Variants in MUC22 observed in about 807,000 individuals in gnomAD.
The protein encoded by MUC22 is mucin-22.
In MUC22, 24 loss-of-function variants were observed where a neutral mutation model predicts 40.3. The observed-to-expected ratio is 0.60, with a 90% CI of 0.43 to 0.84. The LOEUF (loss-of-function observed/expected upper bound fraction) is 0.84, where lower values mean the gene tolerates loss of function less well. Among genes scored for constraint, MUC22 ranks in the 40% least tolerant of loss-of-function variants. The pLI is 0.00. For synonymous variants in MUC22, 765 were observed against 844.5 expected, an observed-to-expected ratio of 0.91 and a Z score of 1.63; for missense variants, 1,926 against 2,130.7, an observed-to-expected ratio of 0.90 and a Z score of 1.89.
At chr6:31,018,118 C>G (rs1562582000) in intron 1 of MUC22, among the ~76,000 whole-genome samples, 1 of 152,318 alleles carries the variant, frequency 6.6e-6, no homozygotes, top group Non-Finnish European at 1.5e-5. Context: ...GAAGTCAGAC[C>G]AAGAACCCAC....
chr6:31,029,556 C>T (rs910463139), exon 2 of MUC22: 73 of 1,528,714 alleles, frequency 4.8e-5, no homozygotes, highest in Non-Finnish European at 6.0e-5. Context: ...GCTCTGAGGC[C>T]ACTACAGTTT....
At chr6:31,014,313 CAT>C (rs71757905) in intron 1 of MUC22, among the ~76,000 whole-genome samples, 9,619 of 152,242 alleles carry the variant, frequency 0.063, 542 homozygotes, top group East Asian at 0.3. Flanking sequence ...TTTCCAAACA[CAT>C]GAGGCAATCT....
chr6:31,010,926 A>T (rs1763824408), intron 1 of MUC22, 150 bp downstream of exon 1: 1 of 597,274 alleles, frequency 1.7e-6, no homozygotes, highest in Non-Finnish European at 2.9e-6. Flanking sequence ...TTTCTGCAAA[A>T]GCCAGTACTG....
At chr6:31,020,960 G>C (rs7453270) in intron 1 of MUC22, among the ~76,000 whole-genome samples, 10,193 of 152,300 alleles carry the variant, frequency 0.067, 432 homozygotes, top group South Asian at 0.13. Context: ...TCTTCCCATG[G>C]GGCAGGGCTG....
chr6:31,031,232 G>C (rs1055355527), intron 2 of MUC22, among the ~76,000 whole-genome samples: 2 of 152,130 alleles, frequency 1.3e-5, no homozygotes, highest in African/African-American at 4.8e-5. Flanking sequence ...ACACCTGTCT[G>C]AGCCCACCCT....
At chr6:31,008,871 C>T (rs2150735603), upstream of MUC22, among the ~76,000 whole-genome samples, 1 of 151,978 alleles carries the variant, frequency 6.6e-6, no homozygotes, top group East Asian at 1.9e-4. Context: ...TTTAATTCTC[C>T]CCCCAAGCTT....
intron 1 of MUC22, among the ~76,000 whole-genome samples, 176 bp downstream of exon 1, chr6:31,010,952 A>C (rs1763827006): frequency 6.7e-6 from 1 of 148,690 alleles, no homozygotes; most frequent in Non-Finnish European, 1.5e-5. Context: ...AATTCCACTG[A>C]CCATGATTCT....
At chr6:31,020,538 G>A (rs747786734) in intron 1 of MUC22, among the ~76,000 whole-genome samples, 3 of 147,020 alleles carry the variant, frequency 2.0e-5, no homozygotes, top group Admixed American at 7.0e-5. Context: ...TCTGCCTCCC[G>A]GTGAGAGGTG....
intron 3 of MUC22, 50 bp from the exon 4 acceptor site, chr6:31,034,622 G>A: frequency 6.9e-7 from 1 of 1,451,308 alleles, no homozygotes. Flanking sequence ...GGTGATTAGG[G>A]AGAGGAGACT....
At chr6:31,029,535 C>T in exon 2 of MUC22, 1 of 1,529,172 alleles carries the variant, frequency 6.5e-7, no homozygotes. Flanking sequence ...CTACCACCGC[C>T]TCTACTGAAG....
chr6:31,015,497 A>G (rs1238845385), intron 1 of MUC22, among the ~76,000 whole-genome samples: 1 of 152,212 alleles, frequency 6.6e-6, no homozygotes, highest in African/African-American at 2.4e-5. Flanking sequence ...TAACTTAGCC[A>G]TGTGCCCAGG....
At chr6:31,033,854 A>C (rs1012376902) in intron 3 of MUC22, among the ~76,000 whole-genome samples, 15 of 152,238 alleles carry the variant, frequency 9.9e-5, no homozygotes, top group Admixed American at 6.5e-4. Context: ...AAGTCACAAA[A>C]GATTTGGATA....
upstream of MUC22, among the ~76,000 whole-genome samples, chr6:31,009,122 C>A (rs2394431): frequency 2.1e-3 from 316 of 152,292 alleles, 8 homozygotes; most frequent in Admixed American, 0.02. Flanking sequence ...AGTTTGTACC[C>A]TTGACTGTTG....
chr6:31,032,234 T>C lies in MUC22; in HGVS notation c.4708T>C (p.Ser1570Pro). The C allele has an allele frequency of 6.5e-7, 1 of 1,535,562 alleles. No homozygotes were observed. The highest frequency in any genetic ancestry group is 8.7e-7 in the Non-Finnish European group (1 of 1,146,836). Residue 1570 changes from serine to proline, a missense_variant, in exon 3 of 4, where the codon TCT becomes CCT. Ser to Pro is a moderately conservative substitution (Grantham distance 74, BLOSUM62 -1). Around this residue, in one of 3 missense-constraint regions of MUC22, gnomAD observed 610 missense variants for 714.6 expected, o/e 0.85. Coordinates refer to ENST00000561890, the Ensembl canonical transcript of MUC22. This position sits in a 1 kb window ranked among gnomAD's most constrained non-coding sequence, Gnocchi z 4.1. ...TGGAACCAGACTCACTGCCTCCAGC[T>C]CTGTCACCATGGCCCCTGGAATGGA... is the stretch of plus-strand genomic sequence containing the variant.
chr6:31,029,302 G>T (rs140778074), exon 2 of MUC22: 1 of 1,526,596 alleles, frequency 6.6e-7, no homozygotes, highest in African/African-American at 1.4e-5. Flanking sequence ...AGTCACTACT[G>T]CAGGTTCTGA....
exon 2 of MUC22, chr6:31,027,207 C>T (rs1329289947): frequency 6.7e-7 from 1 of 1,503,274 alleles, no homozygotes; most frequent in African/African-American, 1.4e-5. Flanking sequence ...CTACCGTAGG[C>T]TCTGAGACCA....
rs1581609391 is a variant in MUC22, at chr6:31,016,091, C to A, written c.70+5315C>A. Among the ~76,000 whole-genome samples the A allele has an allele frequency of 2.8e-5, 4 of 141,038 alleles. 1 individual carries two copies. The South Asian group carries it at 7.1e-4, about 25-fold the overall frequency. 92.5% of individuals were successfully genotyped at this position (141,038 alleles called of 152,430 possible). ...TGAGGTTTTTTTTTTTCAAAGAGATCTTTTTTTTCTCTACAACCATTTTTA... is the reference window on the plus strand; with the variant it reads ...TGAGGTTTTTTTTTTTCAAAGAGATATTTTTTTTCTCTACAACCATTTTTA... On this transcript the variant is annotated intron_variant, in intron 1 of 3. Transcript: ENST00000561890.
intron 1 of MUC22, among the ~76,000 whole-genome samples, chr6:31,022,549 G>T (rs77799575): frequency 0.12 from 17,866 of 151,458 alleles, 1,217 homozygotes; most frequent in African/African-American, 0.16. Flanking sequence ...ATAAATATAT[G>T]GGTAAAAATA....
At chr6:31,034,947 T>C (rs1241250092) in exon 4 of MUC22, 2 of 1,532,978 alleles carry the variant, frequency 1.3e-6, no homozygotes, top group Non-Finnish European at 1.7e-6. Context: ...GAGGACACCA[T>C]GGAGTGGATC....
Sources: allele counts gnomAD v4.1 joint callset (sites outside exome capture counted in the v4.1 genomes callset), GRCh38; gene constraint gnomAD v4.1.1; regional missense constraint gnomAD v4.1.1; non-coding constraint Gnocchi (gnomAD v3.1); transcripts MANE v1.5; gene names NCBI Gene and HGNC (gene_info 2026-07-23, HGNC 2026-07-21).